The following SCAMP2 variants were observed in gnomAD, a reference collection of about 807,000 sequenced individuals.
SCAMP2 encodes secretory carrier-associated membrane protein 2.
SCAMP2 carries 25 observed loss-of-function variants against 44.1 expected under a neutral mutation model. The ratio of observed to expected loss-of-function variants is 0.57; its 90% CI spans 0.41 to 0.79. The LOEUF (loss-of-function observed/expected upper bound fraction) is 0.79. Among genes scored for constraint, SCAMP2 ranks in the 30% least tolerant of loss-of-function variants. The probability of loss-of-function intolerance (pLI) is 0.00; values close to 1 mark genes in which losing one functional copy is unlikely to be tolerated. For missense variants in SCAMP2, 355 were observed against 411.0 expected (o/e 0.86, Z 1.18); for synonymous variants, 156 against 166.0 (o/e 0.94, Z 0.46).
At chr15:74,871,069 G>C (rs2064571754) in intron 1 of SCAMP2, among the ~76,000 whole-genome samples, 1 of 147,742 alleles carries the variant, frequency 6.8e-6, no homozygotes, top group African/African-American at 2.4e-5. Context: ...CGTGAAACAA[G>C]AGGCATAGGA....
intron 1 of SCAMP2, among the ~76,000 whole-genome samples, chr15:74,865,746 C>T (rs115191438): frequency 0.063 from 8,105 of 127,802 alleles, 783 homozygotes; most frequent in African/African-American, 0.22. Context: ...TCCAGGAGTT[C>T]GAGACTAGCC....
intron 1 of SCAMP2, among the ~76,000 whole-genome samples, chr15:74,862,238 G>GGGT (rs1435744225): frequency 1.6e-5 from 2 of 128,276 alleles, no homozygotes; most frequent in Non-Finnish European, 3.2e-5. Context: ...ACTCCAGCCT[G>GGGT]GGTGACAGAG....
At chr15:74,858,169 G>A (rs1170468866) in intron 1 of SCAMP2, among the ~76,000 whole-genome samples, 3 of 152,154 alleles carry the variant, frequency 2.0e-5, no homozygotes, top group Non-Finnish European at 4.4e-5. Context: ...GAAGGAAGCT[G>A]ACATTTACTT....
At chr15:74,847,015 CAT>C (rs1472010991) in intron 7 of SCAMP2, among the ~76,000 whole-genome samples, 1 of 150,584 alleles carries the variant, frequency 6.6e-6, no homozygotes, top group Non-Finnish European at 1.5e-5. Flanking sequence ...TAAACATAGA[CAT>C]ATAGATCAAT....
chr15:74,845,716 C>A, intron 7 of SCAMP2, 123 bp from the exon 8 acceptor site: 1 of 1,232,550 alleles, frequency 8.1e-7, no homozygotes, highest in South Asian at 1.4e-5. Context: ...CCCCACAGCA[C>A]AGGGAGCCCT....
intron 3 of SCAMP2, chr15:74,853,376 G>T (rs1296843882): frequency 8.8e-6 from 4 of 456,200 alleles, no homozygotes; most frequent in African/African-American, 8.0e-5. Context: ...ACCTTCGGAA[G>T]CTTTCGCATG....
At chr15:74,873,147 G>C in intron 1 of SCAMP2, 52 bp downstream of exon 1, 1 of 1,381,382 alleles carries the variant, frequency 7.2e-7, no homozygotes, top group South Asian at 1.6e-5. Context: ...CCGGGCGGCG[G>C]CCGTGGGCCC....
intron 1 of SCAMP2, among the ~76,000 whole-genome samples, chr15:74,858,906 TCACAC>T (rs1479186542): frequency 2.0e-5 from 3 of 150,568 alleles, no homozygotes; most frequent in African/African-American, 7.4e-5. Context: ...TCTCCCGGGT[TCACAC>T]CATTCTCCTG....
In SCAMP2 at chr15:74,861,886, G is replaced by A. The variant is rs1392912979; in HGVS notation, c.58-7237C>T. 2.3e-5 allele frequency among the ~76,000 whole-genome samples: 3 copies of A among 130,298 alleles called. No individual in the cohort carries two copies. The Admixed American group carries it at 2.5e-4, about 11-fold the overall frequency. The allele number at this position is 130,298 out of a possible 152,430, so 85.5% of individuals were successfully genotyped here. On this transcript the variant is annotated intron_variant, in intron 1 of 8. Transcript: ENST00000268099. ...ACTGCACTCCAGCCTGGGCAACAGA[G>A]CAAGACTCTGTCTCAAAAAAAAAAA...
chr15:74,863,999 G>A (rs1366086847), intron 1 of SCAMP2, among the ~76,000 whole-genome samples: 1 of 152,126 alleles, frequency 6.6e-6, no homozygotes, highest in African/African-American at 2.4e-5. Context: ...CTAGCAAACA[G>A]TAAAGAGGAA....
intron 1 of SCAMP2, among the ~76,000 whole-genome samples, chr15:74,869,618 C>T (rs2064562699): frequency 6.6e-6 from 1 of 152,236 alleles, no homozygotes; most frequent in Admixed American, 6.5e-5. Flanking sequence ...ACTGATGACT[C>T]TGGCACATAC....
chr15:74,851,528 G>A (rs2064435639), intron 4 of SCAMP2, 47 bp from the exon 5 acceptor site: 2 of 1,606,516 alleles, frequency 1.2e-6, no homozygotes, highest in African/African-American at 1.3e-5. Flanking sequence ...AGCCTCAGAA[G>A]GGGCATCAAG....
chr15:74,853,373 G>C (rs1220810399), intron 3 of SCAMP2: 2 of 456,242 alleles, frequency 4.4e-6, no homozygotes, highest in Admixed American at 4.7e-5. Context: ...CCTACCTTCG[G>C]AAGCTTTCGC....
intron 3 of SCAMP2, 82 bp from the exon 4 acceptor site, chr15:74,852,268 C>T (rs868844067): frequency 4.9e-6 from 5 of 1,022,318 alleles, no homozygotes; most frequent in Middle Eastern, 4.7e-4. Context: ...GGCAGAGAGG[C>T]CTTGCCCCAG....
intron 6 of SCAMP2, among the ~76,000 whole-genome samples, chr15:74,849,316 T>C (rs1343739682): frequency 6.6e-6 from 1 of 152,086 alleles, no homozygotes; most frequent in African/African-American, 2.4e-5. Context: ...GGCGTGGTGG[T>C]GTGCGCCTGT....
chr15:74,848,918 C>T (rs1234941237), intron 6 of SCAMP2, among the ~76,000 whole-genome samples: 1 of 152,060 alleles, frequency 6.6e-6, no homozygotes, highest in Admixed American at 6.6e-5. Context: ...TTTAAGGGGT[C>T]AGTGCTTGAC....
Position 74,865,512 on chromosome 15 carries a change from A to G in SCAMP2, c.57+7687T>C, listed in dbSNP as rs548057260. 1.2e-4 allele frequency among the ~76,000 whole-genome samples: 18 copies of G among 152,044 alleles called. No individual in the cohort carries two copies. In the South Asian group the frequency reaches 3.7e-3, roughly 32 times the overall value. Reference sequence around the variant, plus strand: ...AGGGAGAGGATCCGAGAAGATATTGAGTCAGGTTGGAGATAGCTGTGGAAT... The same window carrying G: ...AGGGAGAGGATCCGAGAAGATATTGGGTCAGGTTGGAGATAGCTGTGGAAT... On this transcript the variant is annotated intron_variant, in intron 1 of 8. Coordinates refer to ENST00000268099, the MANE Select transcript of SCAMP2 (RefSeq NM_005697.5).
chr15:74,847,023 T>A (rs1596413305), intron 7 of SCAMP2, among the ~76,000 whole-genome samples: 1 of 150,238 alleles, frequency 6.7e-6, no homozygotes, highest in East Asian at 2.0e-4. Flanking sequence ...GACATATAGA[T>A]CAATAGATCA....
chr15:74,845,036 C>T lies in SCAMP2; in HGVS notation c.*47G>A, dbSNP rs780201996. 6.3e-7 allele frequency: 1 copy of T among 1,591,780 alleles called. No homozygotes were observed. Among genetic ancestry groups the T allele is most frequent in the Non-Finnish European group, 8.6e-7 (1 of 1,165,478 alleles). On this transcript the variant is annotated 3_prime_UTR_variant, in exon 9 of 9. Transcript: ENST00000268099. Reference sequence around the variant, plus strand: ...TAAGGCACCCACGGAAAGTGCAGCTCAGAAGGCAGGCGAGAGAAAGGCTGA... The same window carrying T: ...TAAGGCACCCACGGAAAGTGCAGCTTAGAAGGCAGGCGAGAGAAAGGCTGA...
Sources: gnomAD v4.1 joint callset for allele counts (sites outside exome capture counted in the v4.1 genomes callset) on GRCh38, gnomAD v4.1.1 for gene constraint, MANE v1.5 for transcripts, NCBI Gene and HGNC (gene_info 2026-07-23, HGNC 2026-07-21) for gene names.